NAV2: variants seen among roughly 807,000 people sequenced by gnomAD.
The protein encoded by NAV2 is neuron navigator 2.
NAV2 carries 54 observed loss-of-function variants against 223.2 expected under a neutral mutation model. That is an observed-to-expected ratio of 0.24 (90% CI 0.19 to 0.30). NAV2 has a LOEUF of 0.30. Ranked by LOEUF, NAV2 falls within the 10% of genes least tolerant of loss-of-function variation. The pLI is 1.00. For synonymous variants in NAV2, 1,279 were observed against 1,239.3 expected, an observed-to-expected ratio of 1.03 and a Z score of -0.67; for missense variants, 2,806 against 3,147.5, an observed-to-expected ratio of 0.89 and a Z score of 2.60.
In NAV2 at chr11:19,404,306, T is replaced by C. The variant is rs1564910210; in HGVS notation, c.75+53279T>C. Among the ~76,000 whole-genome samples the C allele has an allele frequency of 2.6e-5, 4 of 152,272 alleles. No individual in the cohort carries two copies. In the Middle Eastern group the frequency reaches 0.01, roughly 388 times the overall value. On this transcript the variant is annotated intron_variant, in intron 1 of 37. Coordinates refer to the NAV2 transcript ENST00000360655. ...TGGAGTCAAGTGAGGTGCACCTGGG[T>C]CACTCAGATGAGAGAGGAGGAAGGC...
Position 19,761,211 on chromosome 11 carries a change from T to G in NAV2, c.267+47249T>G, listed in dbSNP as rs184191111. On this transcript the variant is annotated intron_variant, in intron 1 of 37. Transcript: ENST00000349880. ...CTTTTTTCTTGGGGGAGTTATTCAC[T>G]CATTTATCTTCTTTTTATTAAGTAC... 4.5e-3 allele frequency among the ~76,000 whole-genome samples: 680 copies of G among 152,274 alleles called. 4 individuals are homozygous for G. The highest frequency in any genetic ancestry group is 0.016 in the African/African-American group (648 of 41,562).
chr11:19,870,729 C>T (rs1409936709), intron 4 of NAV2, among the ~76,000 whole-genome samples: 3 of 152,164 alleles, frequency 2.0e-5, no homozygotes, highest in African/African-American at 7.2e-5. Flanking sequence ...TTTATAACAG[C>T]CTCAGTTTAT....
chr11:19,877,820 A>T (rs1397878098), intron 4 of NAV2, among the ~76,000 whole-genome samples: 1 of 152,036 alleles, frequency 6.6e-6, no homozygotes, highest in East Asian at 1.9e-4. Context: ...CAGTTGGGTG[A>T]CTATAGATAT....
chr11:19,985,620 A>C (rs1213922293), intron 11 of NAV2, among the ~76,000 whole-genome samples: 1 of 151,892 alleles, frequency 6.6e-6, no homozygotes, highest in Non-Finnish European at 1.5e-5. Flanking sequence ...TCTGTCACCC[A>C]GGCTGGAGTG....
At chr11:19,453,264 A>C (rs1407362867) in intron 1 of NAV2, among the ~76,000 whole-genome samples, 1 of 152,206 alleles carries the variant, frequency 6.6e-6, no homozygotes, top group Non-Finnish European at 1.5e-5. Context: ...CAAAATAAAC[A>C]GGTGGATCCC....
chr11:19,810,541 T>C (rs2058788997), intron 1 of NAV2, among the ~76,000 whole-genome samples: 1 of 152,238 alleles, frequency 6.6e-6, no homozygotes. Context: ...TACGCTGACA[T>C]GCTATATAGA....
At chr11:19,480,430 G>T (rs1242709078) in intron 1 of NAV2, among the ~76,000 whole-genome samples, 3 of 152,166 alleles carry the variant, frequency 2.0e-5, no homozygotes, top group African/African-American at 2.4e-5. Context: ...TCTCAAGGTG[G>T]TGCTGGACTC....
rs146354400 is a variant in NAV2, at chr11:20,101,032, C to T, written c.6277C>T (p.Arg2093Trp). Residue 2093 changes from arginine to tryptophan, a missense_variant, in exon 32 of 38, where the codon CGG becomes TGG. Physicochemically the swap from Arg to Trp is moderately radical, Grantham distance 101. Coordinates refer to ENST00000349880, the MANE Select transcript of NAV2 (RefSeq NM_145117.5). Reference sequence around the variant, plus strand: ...CGTCTCCCTCCTGATAGAGCACCGTCGGATCATTCTCTCTGGCCCCAGCGG... The same window carrying T: ...CGTCTCCCTCCTGATAGAGCACCGTTGGATCATTCTCTCTGGCCCCAGCGG... ...RYVSLLIEHR[R>W]IILSGPSGTG... is the part of the protein sequence containing the mutation. The T allele has an allele frequency of 1.4e-5, 22 of 1,614,026 alleles. No homozygotes were observed. Among genetic ancestry groups the T allele is most frequent in the African/African-American group, 2.7e-5 (2 of 74,898 alleles).
chr11:20,117,635 T>G (rs1384690075), intron 37 of NAV2, among the ~76,000 whole-genome samples: 1 of 151,934 alleles, frequency 6.6e-6, no homozygotes, highest in Non-Finnish European at 1.5e-5. Flanking sequence ...GGAGAAGAGA[T>G]GGGTTTGATG....
chr11:19,933,231 T>G lies in NAV2; in HGVS notation c.987T>G (p.Ala329=). Residue 329 remains alanine (A), a synonymous_variant, in exon 7 of 38, where the codon GCT becomes GCG. Transcript: ENST00000349880. This position sits in a 1 kb window ranked among gnomAD's most constrained non-coding sequence, Gnocchi z 4.3. The stretch of plus-strand genomic sequence containing the variant: ...CCGGAATGAGTGACAATGCACCTGC[T>G]TCCTTGGAGAGCGGCAGCAGCTCCA... ...SHPGMSDNAP[A]SLESGSSSTP... 3.2e-6 allele frequency: 5 copies of G among 1,587,060 alleles called. No individual in the cohort carries two copies. Among genetic ancestry groups the G allele is most frequent in the Non-Finnish European group, 4.3e-6 (5 of 1,166,004 alleles).
chr11:20,013,841 C>T (rs2053779170), intron 11 of NAV2, among the ~76,000 whole-genome samples: 1 of 152,172 alleles, frequency 6.6e-6, no homozygotes. Context: ...AACATTCATA[C>T]TTGGAAGGTT....
intron 11 of NAV2, among the ~76,000 whole-genome samples, chr11:20,011,734 A>G (rs1025874464): frequency 6.6e-6 from 1 of 152,254 alleles, no homozygotes; most frequent in African/African-American, 2.4e-5. Context: ...TGTGTAGTAC[A>G]GCATGAGCAT....
intron 26 of NAV2, among the ~76,000 whole-genome samples, chr11:20,089,525 T>C (rs531978829): frequency 2.6e-5 from 4 of 152,304 alleles, no homozygotes; most frequent in Admixed American, 6.5e-5. Context: ...GCCAGACTCA[T>C]GTGATCATTT....
intron 1 of NAV2, among the ~76,000 whole-genome samples, chr11:19,415,425 C>A (rs963698965): frequency 2.6e-5 from 4 of 152,152 alleles, no homozygotes; most frequent in Non-Finnish European, 5.9e-5. Flanking sequence ...AGATCAATAA[C>A]AAGTTCTGAA....
rs1318424181 is a variant in NAV2 at position 19,394,528 on chromosome 11, T to C, written c.75+43501T>C. ...AATGGTCAATGTGAGGAGCGATGGC[T>C]CTTGTCTTCTCAGAGCTTAGAGTCT... On this transcript the variant is annotated intron_variant, in intron 1 of 37. Transcript: ENST00000360655. Among the ~76,000 whole-genome samples the C allele has an allele frequency of 2.0e-5, 3 of 150,658 alleles. No homozygotes were observed. The South Asian group carries it at 6.2e-4, about 31-fold the overall frequency.
At chr11:19,649,733 A>G (rs950400953) in intron 1 of NAV2, among the ~76,000 whole-genome samples, 1 of 152,240 alleles carries the variant, frequency 6.6e-6, no homozygotes, top group Non-Finnish European at 1.5e-5. Context: ...TCTATCATAA[A>G]CACATAACCA....
intron 11 of NAV2, among the ~76,000 whole-genome samples, chr11:20,002,722 T>C (rs963102294): frequency 2.0e-5 from 3 of 152,160 alleles, no homozygotes; most frequent in African/African-American, 7.2e-5. Flanking sequence ...CCCACTCTGA[T>C]ACTCAAAGCC....
intron 1 of NAV2, among the ~76,000 whole-genome samples, chr11:19,573,486 G>A (rs1245509643): frequency 6.6e-6 from 1 of 152,172 alleles, no homozygotes; most frequent in African/African-American, 2.4e-5. Context: ...GTATATAGGT[G>A]GGAAGGAGGA....
At chr11:19,741,685 G>GTA (rs751946530) in intron 1 of NAV2, among the ~76,000 whole-genome samples, 75 of 131,786 alleles carry the variant, frequency 5.7e-4, no homozygotes, top group African/African-American at 2.1e-3. Context: ...ATGTGTGTGT[G>GTA]TGTATATATA....
Sources: allele counts gnomAD v4.1 joint callset (sites outside exome capture counted in the v4.1 genomes callset), GRCh38; gene constraint gnomAD v4.1.1; non-coding constraint Gnocchi (gnomAD v3.1); transcripts MANE v1.5; gene names NCBI Gene and HGNC (gene_info 2026-07-23, HGNC 2026-07-21).